DOK6: variants seen among roughly 807,000 people sequenced by gnomAD.
DOK6 encodes downstream of tyrosine kinase 6.
Under a neutral mutation model 44.0 loss-of-function variants are expected in DOK6, and 22 were observed. That is an observed-to-expected ratio of 0.50 (90% confidence interval 0.36 to 0.71). The LOEUF (loss-of-function observed/expected upper bound fraction) is 0.71. DOK6 is among the 30% of genes least tolerant of loss of function. DOK6 has a pLI of 0.00. For missense variants in DOK6, 340 were observed against 416.4 expected (o/e 0.82, Z 1.60); for synonymous variants, 166 against 145.5 (o/e 1.14, Z -1.01).
intron 7 of DOK6, among the ~76,000 whole-genome samples, chr18:69,802,149 C>T (rs1275286977): frequency 2.6e-5 from 4 of 152,186 alleles, no homozygotes; most frequent in African/African-American, 4.8e-5. Context: ...ATATGTTTAA[C>T]GGTGCAATCA....
At chr18:69,406,219 C>T (rs1237559728) in intron 1 of DOK6, among the ~76,000 whole-genome samples, 1 of 152,092 alleles carries the variant, frequency 6.6e-6, no homozygotes, top group Non-Finnish European at 1.5e-5. Context: ...TATCTTCTAC[C>T]CAATCCCTAT....
chr18:69,756,447 C>T (rs1196827609), intron 6 of DOK6, among the ~76,000 whole-genome samples: 1 of 152,180 alleles, frequency 6.6e-6, no homozygotes, highest in African/African-American at 2.4e-5. Flanking sequence ...AAAGATACCT[C>T]AACAGTCCCA....
intron 5 of DOK6, among the ~76,000 whole-genome samples, chr18:69,704,050 C>T (rs922100158): frequency 2.0e-5 from 3 of 152,194 alleles, no homozygotes; most frequent in Non-Finnish European, 4.4e-5. Flanking sequence ...TGCTGGCACC[C>T]TGATCTCAGA....
intron 7 of DOK6, chr18:69,832,751 A>T (rs1462166579): frequency 6.6e-6 from 1 of 152,148 alleles, no homozygotes; most frequent in East Asian, 1.9e-4. Flanking sequence ...TGAAAAAAAA[A>T]TAAAGACAGC....
intron 5 of DOK6, among the ~76,000 whole-genome samples, chr18:69,714,010 C>G (rs964067232): frequency 6.6e-6 from 1 of 152,136 alleles, no homozygotes; most frequent in East Asian, 1.9e-4. Context: ...ATTTCTGTCT[C>G]GAGTACCACT....
chr18:69,783,101 G>A (rs551248054), intron 7 of DOK6, among the ~76,000 whole-genome samples: 2 of 152,210 alleles, frequency 1.3e-5, no homozygotes, highest in Admixed American at 1.3e-4. Context: ...TTGCATCTCA[G>A]CCTTTTGTTC....
chr18:69,801,060 T>C (rs893918920), intron 7 of DOK6, among the ~76,000 whole-genome samples: 1 of 151,128 alleles, frequency 6.6e-6, no homozygotes, highest in Non-Finnish European at 1.5e-5. Context: ...TATAAACATA[T>C]GCCCAGCCTT....
rs1982210462 is a variant in DOK6, at chr18:69,841,293, C to G, written c.906C>G (p.Ser302Arg). ...SKMSRAQTFPSYAPEQSEEAQ... is the reference protein window; with the variant it reads ...SKMSRAQTFPRYAPEQSEEAQ... ...TGTCTCGTGCACAGACATTTCCCAGCTACGCCCCAGAACAGAGTGAAGAGG... is the reference window on the plus strand; with the variant it reads ...TGTCTCGTGCACAGACATTTCCCAGGTACGCCCCAGAACAGAGTGAAGAGG... The change falls in exon 8 of 8, where the codon AGC (serine) becomes AGG (arginine). Residue 302 changes from serine to arginine, a missense_variant. Coordinates refer to ENST00000382713, the MANE Select transcript of DOK6 (RefSeq NM_152721.6). 3 of 1,614,212 alleles carry G rather than the reference C, an allele frequency of 1.9e-6. No homozygotes were observed. Among genetic ancestry groups the G allele is most frequent in the Non-Finnish European group, 1.7e-6 (2 of 1,180,044 alleles).
chr18:69,543,962 T>C (rs1308153613), intron 1 of DOK6, among the ~76,000 whole-genome samples: 1 of 151,386 alleles, frequency 6.6e-6, no homozygotes, highest in African/African-American at 2.4e-5. Context: ...AAGGATTTAA[T>C]AGAGAAAGGG....
At chr18:69,785,543 GT>G (rs922289126) in intron 7 of DOK6, among the ~76,000 whole-genome samples, 3 of 152,056 alleles carry the variant, frequency 2.0e-5, no homozygotes, top group Admixed American at 6.6e-5. Flanking sequence ...ATCAAGGCAG[GT>G]TTTTTTTCCC....
At chr18:69,405,512 G>A (rs1404754574) in intron 1 of DOK6, among the ~76,000 whole-genome samples, 1 of 152,014 alleles carries the variant, frequency 6.6e-6, no homozygotes, top group Non-Finnish European at 1.5e-5. Context: ...CTCGGAAGGT[G>A]GAAGTTGCTG....
chr18:69,625,258 C>G (rs1010108837), intron 3 of DOK6, among the ~76,000 whole-genome samples: 2 of 152,058 alleles, frequency 1.3e-5, no homozygotes, highest in Non-Finnish European at 2.9e-5. Context: ...TGTTTTATTA[C>G]ATTTTCATGA....
At chr18:69,670,005 C>G (rs996211554) in intron 3 of DOK6, among the ~76,000 whole-genome samples, 1 of 152,130 alleles carries the variant, frequency 6.6e-6, no homozygotes, top group African/African-American at 2.4e-5. Flanking sequence ...TCTTATAGTT[C>G]CGAAGGACAA....
intron 1 of DOK6, among the ~76,000 whole-genome samples, chr18:69,448,283 G>A (rs1979354298): frequency 6.6e-6 from 1 of 152,200 alleles, no homozygotes; most frequent in Non-Finnish European, 1.5e-5. Context: ...TGGCATTGTA[G>A]TTGCATTTGT....
In DOK6 at chr18:69,738,951, C is replaced by CA. The variant is rs1978707717; in HGVS notation, c.600-14_600-13insA. ...CATGGAGACCCATCTCTTTCCCTATCTCTATTCTCACAGAATGTGTGACAC... is the reference window on the plus strand; with the variant it reads ...CATGGAGACCCATCTCTTTCCCTATCATCTATTCTCACAGAATGTGTGACAC... On this transcript the variant is annotated splice_polypyrimidine_tract_variant and intron_variant, in intron 5 of 7. Coordinates refer to ENST00000382713, the MANE Select transcript of DOK6 (RefSeq NM_152721.6). 6.2e-7 allele frequency: 1 copy of CA among 1,613,410 alleles called. No individual in the cohort carries two copies.
At chr18:69,711,728 C>A (rs1986761161) in intron 5 of DOK6, among the ~76,000 whole-genome samples, 1 of 152,070 alleles carries the variant, frequency 6.6e-6, no homozygotes, top group Admixed American at 6.5e-5. Context: ...ATGAAAAGTG[C>A]CAAATAGTTA....
intron 1 of DOK6, among the ~76,000 whole-genome samples, chr18:69,508,353 G>C (rs1981254233): frequency 6.6e-6 from 1 of 152,078 alleles, no homozygotes; most frequent in African/African-American, 2.4e-5. Context: ...TCTAACCTCA[G>C]CAACTGCTAT....
At position 69,687,604 on chromosome 18, in the gene DOK6, C is replaced by G. The variant is rs976885060; in HGVS notation, c.409+9751C>G. ...GGCTGAGGCAGGAGAATTGCTTGAG[C>G]CCAAGAGGCAGAGGTTGCAGCGAGC... On this transcript the variant is annotated intron_variant, in intron 4 of 7. Coordinates refer to ENST00000382713, the MANE Select transcript of DOK6 (RefSeq NM_152721.6). Among the ~76,000 whole-genome samples, 4 of 152,114 alleles carry G rather than the reference C, an allele frequency of 2.6e-5. No individual in the cohort carries two copies. In the East Asian group the frequency reaches 5.8e-4, roughly 22 times the overall value.
At chr18:69,519,527 C>G (rs751013438) in intron 1 of DOK6, among the ~76,000 whole-genome samples, 1 of 151,782 alleles carries the variant, frequency 6.6e-6, no homozygotes, top group Non-Finnish European at 1.5e-5. Flanking sequence ...AACATGAAGA[C>G]AAGAGACTTA....
Sources: allele counts gnomAD v4.1 joint callset (sites outside exome capture counted in the v4.1 genomes callset), GRCh38; gene constraint gnomAD v4.1.1; transcripts MANE v1.5; gene names NCBI Gene and HGNC (gene_info 2026-07-23, HGNC 2026-07-21).